Variants in IQSEC2 observed in about 807,000 individuals in gnomAD.
IQSEC2 encodes IQ motif and Sec7 domain ArfGEF 2, also known as IQ motif and SEC7 domain-containing protein 2.
Under a neutral mutation model 74.6 loss-of-function variants are expected in IQSEC2, and 6 were observed. The observed-to-expected ratio is 0.08, with a 90% CI of 0.04 to 0.16. The LOEUF (loss-of-function observed/expected upper bound fraction) is 0.16. Ranked by LOEUF, IQSEC2 falls within the 10% of genes least tolerant of loss-of-function variation. The pLI, the probability that IQSEC2 is intolerant of heterozygous loss-of-function variation, is 1.00. For missense variants in IQSEC2, 734 were observed against 1,306.2 expected, an observed-to-expected ratio of 0.56 and a Z score of 6.75; for synonymous variants, 494 against 544.5, an observed-to-expected ratio of 0.91 and a Z score of 1.29.
chrX:53,236,257 C>G (rs2074127750), intron 13 of IQSEC2, 65 bp downstream of exon 13: 3 of 1,105,422 alleles, frequency 2.7e-6, no homozygotes, highest in Non-Finnish European at 3.7e-6. Flanking sequence ...CGGCCAGTGA[C>G]AGGAGGCAAA....
intron 1 of IQSEC2, among the ~76,000 whole-genome samples, chrX:53,314,637 G>T (rs190435794): frequency 3.2e-4 from 36 of 111,788 alleles, no homozygotes; most frequent in African/African-American, 1.2e-3. Context: ...TAACCAGGGG[G>T]GCACACGGGT....
At chrX:53,261,166 A>G (rs2074562235) in intron 2 of IQSEC2, among the ~76,000 whole-genome samples, 1 of 111,605 alleles carries the variant, frequency 9.0e-6, no homozygotes, top group Non-Finnish European at 1.9e-5. Flanking sequence ...CAGAGCCCCC[A>G]GAACAACACT....
chrX:53,275,531 C>T (rs1368592366), intron 2 of IQSEC2, among the ~76,000 whole-genome samples: 2 of 111,130 alleles, frequency 1.8e-5, no homozygotes, highest in Non-Finnish European at 3.8e-5. Flanking sequence ...AACCAATAGT[C>T]CCATCTCATT....
At chrX:53,245,394 A>G (rs2074287085) in intron 8 of IQSEC2, among the ~76,000 whole-genome samples, 1 of 106,484 alleles carries the variant, frequency 9.4e-6, no homozygotes, top group East Asian at 2.9e-4. Flanking sequence ...CACCACTGCA[A>G]TCCAGCCTGG....
At chrX:53,269,831 T>C (rs1395281764) in intron 2 of IQSEC2, among the ~76,000 whole-genome samples, 1 of 110,975 alleles carries the variant, frequency 9.0e-6, no homozygotes, top group Non-Finnish European at 1.9e-5. Context: ...TTTGACACTC[T>C]TAACAAGGCC....
chrX:53,259,612 G>A (rs1418634684), intron 2 of IQSEC2, among the ~76,000 whole-genome samples: 3 of 110,482 alleles, frequency 2.7e-5, no homozygotes, highest in Non-Finnish European at 5.7e-5. Context: ...ACCAGCCTGG[G>A]CAACATAGGG....
Position 53,254,950 on chromosome X carries a change from G to A in IQSEC2, c.1000-19C>T. The A allele has an allele frequency of 4.1e-6, 5 of 1,204,868 alleles. No homozygotes were observed. Among genetic ancestry groups the A allele is most frequent in the Non-Finnish European group, 5.6e-6 (5 of 891,916 alleles). On this transcript the variant is annotated intron_variant, in intron 3 of 14. Transcript: ENST00000642864. ...TTTCCACCTGGCAGAGAAGGGTCGA[G>A]GGGAACAAGGTCAGAAAGTCATGGC... is the stretch of plus-strand genomic sequence containing the variant.
intron 1 of IQSEC2, among the ~76,000 whole-genome samples, chrX:53,315,482 C>A (rs1326280799): frequency 7.2e-5 from 8 of 111,451 alleles, no homozygotes; most frequent in African/African-American, 2.6e-4. Flanking sequence ...ACACTGCGGA[C>A]CCTGAAGCCC....
intron 2 of IQSEC2, among the ~76,000 whole-genome samples, chrX:53,290,028 AT>A (rs1401547350): frequency 5.4e-5 from 6 of 111,948 alleles, no homozygotes; most frequent in African/African-American, 1.9e-4. Context: ...GATGATGATT[AT>A]TATCTGCCAG....
chrX:53,277,433 G>A (rs1029864980), intron 2 of IQSEC2, among the ~76,000 whole-genome samples: 8 of 109,256 alleles, frequency 7.3e-5, no homozygotes, highest in Admixed American at 3.9e-4. Flanking sequence ...GTTGGCCAGG[G>A]TGGTCTTGAA....
At position 53,320,870 on chromosome X, in the gene IQSEC2, C is replaced by A. The variant is rs1556880243; in HGVS notation, c.254G>T (p.Arg85Leu). 2 of 1,162,793 alleles carry A rather than the reference C, an allele frequency of 1.7e-6. No homozygotes were observed. Among genetic ancestry groups the A allele is most frequent in the Non-Finnish European group, 1.1e-6 (1 of 871,450 alleles). ...GCGCAGGTTCTGGTACTGGCTCTCGCGGCCCGGGCTATCCCGCGCGCCGTG... is the reference window on the plus strand; with the variant it reads ...GCGCAGGTTCTGGTACTGGCTCTCGAGGCCCGGGCTATCCCGCGCGCCGTG... Reference protein sequence around the residue: ...DPHGARDSPGRESQYQNLRET... With the variant: ...DPHGARDSPGLESQYQNLRET... Residue 85 changes from arginine to leucine, a missense_variant, in exon 1 of 15, where the codon CGC becomes CTC. Arg to Leu is a moderately radical substitution (Grantham distance 102). This residue lies in a region of IQSEC2 where 134 missense variants were observed against 214.9 expected (regional missense o/e 0.62). Coordinates refer to ENST00000642864, the MANE Select transcript of IQSEC2 (RefSeq NM_001111125.3).
At chrX:53,232,464 C>T (rs1216789385), downstream of IQSEC2, among the ~76,000 whole-genome samples, 1 of 111,373 alleles carries the variant, frequency 9.0e-6, no homozygotes, top group Non-Finnish European at 1.9e-5. Context: ...TCCTATGAAA[C>T]GAAGACAAGG....
At chrX:53,307,702 C>G (rs2075279012) in intron 1 of IQSEC2, among the ~76,000 whole-genome samples, 1 of 106,675 alleles carries the variant, frequency 9.4e-6, no homozygotes. Flanking sequence ...GTCAGGGGTT[C>G]GAGACTAACC....
intron 1 of IQSEC2, among the ~76,000 whole-genome samples, chrX:53,313,754 C>G (rs1556878472): frequency 9.0e-6 from 1 of 111,606 alleles, no homozygotes; most frequent in East Asian, 2.8e-4. Context: ...GCACACAGGT[C>G]CTGTGCAGGC....
intron 2 of IQSEC2, chrX:53,281,657 G>C: frequency 2.7e-6 from 2 of 751,236 alleles, no homozygotes; most frequent in Non-Finnish European, 3.7e-6. Flanking sequence ...CTGCGGGCCA[G>C]ATTGCAACTG....
chrX:53,290,065 G>C (rs1556872725), intron 2 of IQSEC2, among the ~76,000 whole-genome samples: 1 of 111,725 alleles, frequency 9.0e-6, no homozygotes, highest in Non-Finnish European at 1.9e-5. Flanking sequence ...CGTGGTGATG[G>C]TATGGGTAGC....
At chrX:53,228,743 T>A (rs1191405916), downstream of IQSEC2, 7 of 112,309 alleles carry the variant, frequency 6.2e-5, 1 homozygote, top group Admixed American at 6.6e-4. Flanking sequence ...ACTCCTCCTG[T>A]GAGCCTTTTA....
At chrX:53,266,207 G>A (rs1163456306) in intron 2 of IQSEC2, 5 of 209,831 alleles carry the variant, frequency 2.4e-5, no homozygotes, top group Non-Finnish European at 3.5e-5. Context: ...ACAAAACCAC[G>A]AATCAAACCC....
At chrX:53,235,915 TG>T in intron 13 of IQSEC2, 83 bp from the exon 14 acceptor site, 21 of 965,263 alleles carry the variant, frequency 2.2e-5, no homozygotes, top group Non-Finnish European at 2.9e-5. Flanking sequence ...GCACCAGGAC[TG>T]GGCCCCTCCC....
Sources: gnomAD v4.1 joint callset for allele counts (sites outside exome capture counted in the v4.1 genomes callset) on GRCh38, gnomAD v4.1.1 for gene constraint, gnomAD v4.1.1 regional missense constraint, MANE v1.5 for transcripts, NCBI Gene and HGNC (gene_info 2026-07-23, HGNC 2026-07-21) for gene names.